The following RYR2 variants were observed in gnomAD, a reference collection of about 807,000 sequenced individuals.
The protein encoded by RYR2 is cardiac muscle ryanodine receptor-calcium release channel.
RYR2 carries 227 observed loss-of-function variants against 601.1 expected under a neutral mutation model. The ratio of observed to expected loss-of-function variants is 0.38; its 90% CI spans 0.34 to 0.42. The LOEUF (loss-of-function observed/expected upper bound fraction) is 0.42, where lower values mean the gene tolerates loss of function less well. Ranked by LOEUF, RYR2 falls within the 10% of genes least tolerant of loss-of-function variation. RYR2 has a pLI of 1.00. For synonymous variants in RYR2, 2,223 were observed against 2,175.1 expected, an observed-to-expected ratio of 1.02 and a Z score of -0.61; for missense variants, 4,646 against 6,156.5, an observed-to-expected ratio of 0.75 and a Z score of 8.21.
At chr1:237,645,828 C>A (rs1682064980) in intron 48 of RYR2, among the ~76,000 whole-genome samples, 1 of 148,472 alleles carries the variant, frequency 6.7e-6, no homozygotes, top group African/African-American at 2.5e-5. Flanking sequence ...TGAAAGTTAA[C>A]TTTTAACAAC....
intron 1 of RYR2, among the ~76,000 whole-genome samples, chr1:237,123,046 T>G (rs1670987923): frequency 6.6e-6 from 1 of 152,218 alleles, no homozygotes; most frequent in African/African-American, 2.4e-5. Flanking sequence ...TGCTAAACAC[T>G]GTCTTGCAAT....
intron 63 of RYR2, among the ~76,000 whole-genome samples, chr1:237,688,437 CAT>C (rs544590684): frequency 5.3e-4 from 81 of 152,042 alleles, no homozygotes; most frequent in Non-Finnish European, 9.6e-4. Flanking sequence ...CACACACACA[CAT>C]ATGCACAAAT....
intron 96 of RYR2, among the ~76,000 whole-genome samples, chr1:237,797,405 C>G (rs1333152437): frequency 3.9e-5 from 6 of 151,940 alleles, no homozygotes; most frequent in Non-Finnish European, 7.4e-5. Context: ...TCAGGATACT[C>G]AGGGGAGTGG....
intron 10 of RYR2, among the ~76,000 whole-genome samples, chr1:237,406,142 C>CCCCCCCCCTCCCCTTCCCTTCCCTT (rs1703845847): frequency 1.2e-4 from 6 of 51,324 alleles, no homozygotes; most frequent in Non-Finnish European, 1.5e-4. Flanking sequence ...GTCCTTTCAT[C>CCCCCCCCCTCCCCTTCCCTTCCCTT]CCCTCCCCTC....
At chr1:237,232,487 C>G (rs2149195481) in intron 1 of RYR2, among the ~76,000 whole-genome samples, 1 of 152,272 alleles carries the variant, frequency 6.6e-6, no homozygotes, top group East Asian at 1.9e-4. Flanking sequence ...ATACCTTACC[C>G]TATGCATCTC....
intron 3 of RYR2, among the ~76,000 whole-genome samples, chr1:237,342,713 C>T (rs187408875): frequency 7.9e-5 from 12 of 152,242 alleles, no homozygotes; most frequent in African/African-American, 1.4e-4. Flanking sequence ...CTTAAGACCA[C>T]GTGGAACTGT....
chr1:237,222,142 C>T (rs771749059), intron 1 of RYR2, among the ~76,000 whole-genome samples: 2 of 151,952 alleles, frequency 1.3e-5, no homozygotes, highest in South Asian at 2.1e-4. Flanking sequence ...GGGCCAGGCG[C>T]GGTGGCTCAC....
intron 58 of RYR2, among the ~76,000 whole-genome samples, chr1:237,668,389 T>C (rs1159383358): frequency 4.6e-5 from 7 of 152,244 alleles, no homozygotes; most frequent in Admixed American, 2.0e-4. Flanking sequence ...ATTCAAATAC[T>C]AAATGAACTA....
chr1:237,340,643 T>C (rs1265654246), intron 3 of RYR2, among the ~76,000 whole-genome samples: 1 of 152,226 alleles, frequency 6.6e-6, no homozygotes, highest in Non-Finnish European at 1.5e-5. Flanking sequence ...TGTGTTCTGT[T>C]ACCTACCTAT....
rs770222922 is a variant in RYR2, at chr1:237,772,608, CTGAAT to C, written c.11646+513_11646+517del. Among the ~76,000 whole-genome samples, 20 of 152,294 alleles carry C rather than the reference CTGAAT, an allele frequency of 1.3e-4. No homozygotes were observed. In the South Asian group the frequency reaches 3.7e-3, roughly 28 times the overall value. On this transcript the variant is annotated intron_variant, in intron 86 of 104. Transcript: ENST00000366574. The stretch of plus-strand genomic sequence containing the variant: ...ATCATATTTGAGAACGTTAATCAAA[CTGAAT>C]TGAAGACGTAGGCCTCTTAAATAAT...
At chr1:237,448,656 A>T (rs1657683688) in intron 14 of RYR2, among the ~76,000 whole-genome samples, 2 of 151,804 alleles carry the variant, frequency 1.3e-5, no homozygotes, top group African/African-American at 4.8e-5. Context: ...TGCATTTTGA[A>T]GCTCCGTTAT....
At chr1:237,436,481 AT>A (rs1224757146) in intron 12 of RYR2, among the ~76,000 whole-genome samples, 1 of 29,394 alleles carries the variant, frequency 3.4e-5, no homozygotes, top group African/African-American at 1.5e-4. Context: ...TTTTTTTTGC[AT>A]TTCTGTCCTG....
rs992293461 is a variant in RYR2 at position 237,500,910 on chromosome 1, A to G, written c.2396+7A>G. ...GTTTCTCTGCAGGAATAAAGTTAGT[A>G]TGTCTATGTTTTTTGGTCTCTTTCC... On this transcript the variant is annotated splice_region_variant and intron_variant, in intron 21 of 104. Coordinates refer to ENST00000366574, the MANE Select transcript of RYR2 (RefSeq NM_001035.3). 13 of 1,613,236 alleles carry G rather than the reference A, an allele frequency of 8.1e-6. No homozygotes were observed. The highest frequency in any genetic ancestry group is 2.7e-5 in the African/African-American group (2 of 74,898).
chr1:237,336,262 T>C (rs1238475706), intron 3 of RYR2, among the ~76,000 whole-genome samples: 1 of 152,168 alleles, frequency 6.6e-6, no homozygotes, highest in Non-Finnish European at 1.5e-5. Flanking sequence ...TCAAAATTTT[T>C]TCCAAGGAAC....
chr1:237,483,244 A>C (rs753551574), intron 17 of RYR2, among the ~76,000 whole-genome samples: 83 of 152,264 alleles, frequency 5.5e-4, no homozygotes, highest in Non-Finnish European at 8.8e-4. Flanking sequence ...CTGCTCCACA[A>C]AGGAGCATAT....
intron 1 of RYR2, among the ~76,000 whole-genome samples, chr1:237,142,924 GA>G (rs1418273668): frequency 1.3e-5 from 2 of 152,144 alleles, no homozygotes; most frequent in South Asian, 2.1e-4. Context: ...TCCCCACTGG[GA>G]AAGACATGCA....
At chr1:237,520,072 T>C (rs1249498834) in intron 24 of RYR2, among the ~76,000 whole-genome samples, 1 of 152,198 alleles carries the variant, frequency 6.6e-6, no homozygotes. Context: ...GTGGATATTG[T>C]AAATAGGATT....
intron 1 of RYR2, among the ~76,000 whole-genome samples, chr1:237,065,529 C>T (rs1244293969): frequency 3.3e-5 from 5 of 152,000 alleles, no homozygotes; most frequent in African/African-American, 1.2e-4. Flanking sequence ...TTGTGATCCA[C>T]CCACGTCAGT....
chr1:237,638,928 A>G, intron 45 of RYR2, 87 bp from the exon 46 acceptor site: 1 of 1,430,606 alleles, frequency 7.0e-7, no homozygotes, highest in Non-Finnish European at 9.6e-7. Context: ...TTATTCTTAT[A>G]CATAGGAAAT....
Sources: gnomAD v4.1 joint callset for allele counts (sites outside exome capture counted in the v4.1 genomes callset) on GRCh38, gnomAD v4.1.1 for gene constraint, MANE v1.5 for transcripts, NCBI Gene and HGNC (gene_info 2026-07-23, HGNC 2026-07-21) for gene names.